BAIAP3: variants seen among roughly 807,000 people sequenced by gnomAD.
BAIAP3 encodes the protein BAI1-associated protein 3.
Under a neutral mutation model 149.7 loss-of-function variants are expected in BAIAP3, and 180 were observed. The ratio of observed to expected loss-of-function variants is 1.20; its 90% CI spans 1.07 to 1.36. The LOEUF (loss-of-function observed/expected upper bound fraction) is 1.36. Ranked by LOEUF, BAIAP3 falls within the 40% of genes most tolerant of loss-of-function variation. The probability of loss-of-function intolerance (pLI) is 0.00; values close to 1 mark genes in which losing one functional copy is unlikely to be tolerated. For missense variants in BAIAP3, 1,767 were observed against 1,563.4 expected, an observed-to-expected ratio of 1.13 and a Z score of -2.20; for synonymous variants, 845 against 670.7, an observed-to-expected ratio of 1.26 and a Z score of -4.02.
Position 1,344,307 on chromosome 16 carries a change from C to T in BAIAP3, c.1592C>T (p.Ala531Val), listed in dbSNP as rs746177948. ...TCGGAGCTGAACATGGACATTGCTGCGGCCCTGAAGGTGTGTTCCAAAGCC... is the reference window on the plus strand; with the variant it reads ...TCGGAGCTGAACATGGACATTGCTGTGGCCCTGAAGGTGTGTTCCAAAGCC... ...FESELNMDIAAALKRGNREWY... is the reference protein window; with the variant it reads ...FESELNMDIAVALKRGNREWY... Residue 531 changes from alanine to valine, a missense_variant, in exon 17 of 34, where the codon GCG becomes GTG. Ala to Val is a moderately conservative substitution (Grantham distance 64). Coordinates refer to ENST00000426824, the MANE Select transcript of BAIAP3 (RefSeq NM_001199097.2). 10 of 1,613,860 alleles carry T rather than the reference C, an allele frequency of 6.2e-6. No homozygotes were observed. Among genetic ancestry groups the T allele is most frequent in the African/African-American group, 1.3e-5 (1 of 75,054 alleles).
intron 5 of BAIAP3, among the ~76,000 whole-genome samples, chr16:1,340,065 GCA>G (rs1252594599): frequency 1.4e-4 from 11 of 78,904 alleles, no homozygotes; most frequent in African/African-American, 6.4e-4. Flanking sequence ...ACACAGACAC[GCA>G]CACACACAGG....
intron 18 of BAIAP3, 24 bp downstream of exon 18, chr16:1,344,549 C>T (rs577022987): frequency 2.1e-5 from 34 of 1,612,662 alleles, no homozygotes; most frequent in African/African-American, 1.9e-4. Context: ...GGACCCTGGC[C>T]ATGAGGGGTA....
At chr16:1,344,578 G>C (rs773752299) in intron 18 of BAIAP3, 23 bp from the exon 19 acceptor site, 1 of 1,612,672 alleles carries the variant, frequency 6.2e-7, no homozygotes, top group Non-Finnish European at 8.5e-7. Context: ...CGAGAGGTGG[G>C]TACGAGCTAG....
At chr16:1,344,557 G>A (rs758838517) in intron 18 of BAIAP3, 32 bp downstream of exon 18, 12 of 1,612,476 alleles carry the variant, frequency 7.4e-6, no homozygotes, top group African/African-American at 2.7e-5. Flanking sequence ...GCCATGAGGG[G>A]TACGGGCAGC....
chr16:1,336,283 A>G, intron 1 of BAIAP3: 1 of 985,306 alleles, frequency 1.0e-6, no homozygotes, highest in Non-Finnish European at 1.2e-6. Context: ...GCCCCTGAGG[A>G]TTTCACGACT....
At chr16:1,341,516 G>T (rs1453219249) in intron 8 of BAIAP3, 27 bp downstream of exon 8, 32 of 1,591,608 alleles carry the variant, frequency 2.0e-5, no homozygotes, top group Non-Finnish European at 2.7e-5. Flanking sequence ...TCTGGGTGCG[G>T]GAGGGGGGCT....
chr16:1,349,320 G>A lies in BAIAP3; in HGVS notation c.*838G>A, dbSNP rs149496703. On this transcript the variant is annotated 3_prime_UTR_variant, in exon 34 of 34. Coordinates refer to ENST00000426824, the MANE Select transcript of BAIAP3 (RefSeq NM_001199097.2). ...TGTGCTGGAAGTGTGGGGAGAACCC[G>A]GACAGCTCAGTCCTGCCAGCAGCCG... 1.3e-3 allele frequency: 1,529 copies of A among 1,165,416 alleles called. 20 individuals are homozygous for A. In the African/African-American group the frequency reaches 0.019, roughly 15 times the overall value. The allele number at this position is 1,165,416 out of a possible 1,614,324, so 72.2% of individuals were successfully genotyped here.
At position 1,340,177 on chromosome 16, in the gene BAIAP3, A is replaced by G. The variant is rs541420290; in HGVS notation, c.408+574A>G. Among the ~76,000 whole-genome samples, 101 of 100,132 alleles carry G rather than the reference A, an allele frequency of 1.0e-3. 7 individuals are homozygous for G. Among genetic ancestry groups the G allele is most frequent in the African/African-American group, 4.6e-3 (92 of 20,208 alleles). The allele number at this position is 100,132 out of a possible 152,430, so 65.7% of individuals were successfully genotyped here. Reference sequence around the variant, plus strand: ...ACACAGACACACGCACACAGGCTGCAGGTGCACACAGACACACGCACACAG... The same window carrying G: ...ACACAGACACACGCACACAGGCTGCGGGTGCACACAGACACACGCACACAG... On this transcript the variant is annotated intron_variant, in intron 5 of 33. Transcript: ENST00000426824.
rs778122838 is a variant in BAIAP3 at position 1,346,161 on chromosome 16, C to T, written c.2302-9C>T. The T allele has an allele frequency of 1.2e-5, 19 of 1,610,076 alleles. No homozygotes were observed. The highest frequency in any genetic ancestry group is 3.3e-4 in the Middle Eastern group (2 of 6,056). On this transcript the variant is annotated splice_polypyrimidine_tract_variant and intron_variant, in intron 24 of 33. Coordinates refer to ENST00000426824, the MANE Select transcript of BAIAP3 (RefSeq NM_001199097.2). The stretch of plus-strand genomic sequence containing the variant: ...CGGACCCATCGTTGCCTGGCCACAC[C>T]TCCTCCAGCTCTGCGTGGTCCTCAA...
Position 1,348,618 on chromosome 16 carries a change from C to T in BAIAP3, c.*136C>T. ...GCTGTGACGTGTGTGTCGTGGCTGG[C>T]CCCGCGGCGCCTACCGCCCTGGCCG... is the stretch of plus-strand genomic sequence containing the variant. On this transcript the variant is annotated 3_prime_UTR_variant, in exon 34 of 34. Coordinates refer to ENST00000426824, the MANE Select transcript of BAIAP3 (RefSeq NM_001199097.2). The T allele has an allele frequency of 1.2e-6, 1 of 832,076 alleles. No individual in the cohort carries two copies. The highest frequency in any genetic ancestry group is 1.9e-6 in the Non-Finnish European group (1 of 523,704). 51.5% of individuals were successfully genotyped at this position (832,076 alleles called of 1,614,324 possible). A position where few individuals can be genotyped will look rare whatever the true frequency, so the allele number is the denominator to read the frequency against.
At chr16:1,346,551 TG>T (rs1347861731) in intron 26 of BAIAP3, 41 bp downstream of exon 26, 1 of 1,587,396 alleles carries the variant, frequency 6.3e-7, no homozygotes, top group African/African-American at 1.3e-5. Flanking sequence ...CTGTGTGTAC[TG>T]GGGGTAGGGC....
In BAIAP3 at chr16:1,342,837, G is replaced by A. The variant is rs373737790; in HGVS notation, c.1161+23G>A. On this transcript the variant is annotated intron_variant, in intron 13 of 33. Transcript: ENST00000426824. ...GAGGTAGTGGGTGCGCCTAGGATTG[G>A]AACAGCCCGGCAGGGGGCCTGAGGA... The A allele has an allele frequency of 1.1e-5, 18 of 1,612,414 alleles. No homozygotes were observed. In the African/African-American group the frequency reaches 2.4e-4, roughly 22 times the overall value.
chr16:1,342,145 G>A, intron 10 of BAIAP3, 36 bp from the exon 11 acceptor site: 3 of 1,576,672 alleles, frequency 1.9e-6, no homozygotes, highest in Non-Finnish European at 2.6e-6. Context: ...CTCCCCAGGA[G>A]CCATCAGCGT....
At chr16:1,341,519 G>T (rs770701477) in intron 8 of BAIAP3, 30 bp downstream of exon 8, 3 of 1,588,304 alleles carry the variant, frequency 1.9e-6, no homozygotes, top group South Asian at 2.3e-5. Context: ...GGGTGCGGGA[G>T]GGGGGCTCTG....
intron 2 of BAIAP3, 71 bp from the exon 3 acceptor site, chr16:1,338,831 C>T (rs956967460): frequency 2.3e-5 from 36 of 1,596,900 alleles, no homozygotes; most frequent in Middle Eastern, 1.7e-4. Flanking sequence ...CCCTTCCTGC[C>T]CCTGGAGTCG....
chr16:1,341,322 C>A lies in BAIAP3; in HGVS notation c.564C>A (p.Gly188=), dbSNP rs1174680426. The part of the protein sequence containing the change: ...NGFSDPYCML[G]ILPASDATRE... ...TCAGCGACCCATACTGCATGCTGGGCATCCTGCCTGCCTCGGACGCCACGC... is the reference window on the plus strand; with the variant it reads ...TCAGCGACCCATACTGCATGCTGGGAATCCTGCCTGCCTCGGACGCCACGC... The change falls in exon 8 of 34, where the codon GGC becomes GGA. Residue 188 remains glycine, a synonymous_variant. Transcript: ENST00000426824. 6.2e-7 allele frequency: 1 copy of A among 1,611,384 alleles called. No individual in the cohort carries two copies. The highest frequency in any genetic ancestry group is 1.7e-5 in the Admixed American group (1 of 59,968).
At position 1,347,571 on chromosome 16, in the gene BAIAP3, CA is replaced by C; in HGVS notation, c.2853del (p.Lys951AsnfsTer29). On this transcript the variant is annotated frameshift_variant, in exon 30 of 34. Coordinates refer to ENST00000426824, the MANE Select transcript of BAIAP3 (RefSeq NM_001199097.2). LOFTEE classifies it high-confidence loss of function. ...KRLKEELRLH[K>X]CSTRECIEQF... ...GGCTGAAGGAGGAGCTGCGGCTGCA[CA>C]AATGTTCCACCCGCGAGTGCATCGA... 1.2e-6 allele frequency: 2 copies of C among 1,612,074 alleles called. No homozygotes were observed. The highest frequency in any genetic ancestry group is 1.7e-6 in the Non-Finnish European group (2 of 1,179,572).
rs2033873960 is a variant in BAIAP3, at chr16:1,340,782, C to T, written c.409-140C>T. 3.4e-6 allele frequency: 3 copies of T among 879,770 alleles called. No individual in the cohort carries two copies. The African/African-American group carries it at 5.0e-5, about 15-fold the overall frequency. 54.5% of individuals were successfully genotyped at this position (879,770 alleles called of 1,614,324 possible). ...CCTTGGCACAAACCCTCTGCCGCTGCCTCCCAGGCTTCCCCCAACCCTGCA... is the reference window on the plus strand; with the variant it reads ...CCTTGGCACAAACCCTCTGCCGCTGTCTCCCAGGCTTCCCCCAACCCTGCA... On this transcript the variant is annotated intron_variant, in intron 5 of 33. Transcript: ENST00000426824.
rs765429206 is a variant in BAIAP3, at chr16:1,342,650, G to C, written c.1065+16G>C. The C allele has an allele frequency of 6.2e-7, 1 of 1,601,180 alleles. No homozygotes were observed. The highest frequency in any genetic ancestry group is 2.3e-5 in the East Asian group (1 of 44,112). On this transcript the variant is annotated intron_variant, in intron 12 of 33. Coordinates refer to ENST00000426824, the MANE Select transcript of BAIAP3 (RefSeq NM_001199097.2). The stretch of plus-strand genomic sequence containing the variant: ...CACTACGCAGGTGGGGAAAGTGGGC[G>C]TCCCCGTCCTCCACCCCCGTCCTTG...
Sources: gnomAD v4.1 joint callset for allele counts (sites outside exome capture counted in the v4.1 genomes callset) on GRCh38, gnomAD v4.1.1 for gene constraint, MANE v1.5 for transcripts, NCBI Gene and HGNC (gene_info 2026-07-23, HGNC 2026-07-21) for gene names.